The following SLC8A3 variants were observed in gnomAD, a reference collection of about 807,000 sequenced individuals.
SLC8A3 encodes the protein sodium/calcium exchanger 3.
A neutral mutation model predicts 65.4 loss-of-function variants in SLC8A3; 37 were observed. The observed-to-expected ratio is 0.57, with a 90% CI of 0.44 to 0.74. SLC8A3 has a LOEUF of 0.74. Among genes scored for constraint, SLC8A3 ranks in the 30% least tolerant of loss-of-function variants. The pLI is 0.00. For synonymous variants in SLC8A3, 461 were observed against 444.5 expected (o/e 1.04, Z -0.47); for missense variants, 1,112 against 1,172.1 (o/e 0.95, Z 0.75).
intron 2 of SLC8A3, among the ~76,000 whole-genome samples, chr14:70,129,752 G>A (rs1010870551): frequency 6.6e-6 from 1 of 152,152 alleles, no homozygotes; most frequent in African/African-American, 2.4e-5. Context: ...AAACAGAATT[G>A]GGCCAGTGGC....
At chr14:70,116,321 C>CTGTGTGTG (rs55890014) in intron 2 of SLC8A3, among the ~76,000 whole-genome samples, 1,691 of 147,742 alleles carry the variant, frequency 0.011, 29 homozygotes, top group African/African-American at 0.034. Context: ...ATTGAGAACA[C>CTGTGTGTG]TGTGTGTGTG....
intron 2 of SLC8A3, among the ~76,000 whole-genome samples, chr14:70,088,611 C>G (rs1043851754): frequency 2.0e-5 from 3 of 152,190 alleles, no homozygotes; most frequent in African/African-American, 7.2e-5. Flanking sequence ...GTTCCTTGAC[C>G]TTTTCCCTTT....
At chr14:70,131,588 G>A (rs992252698) in intron 2 of SLC8A3, among the ~76,000 whole-genome samples, 5 of 152,208 alleles carry the variant, frequency 3.3e-5, no homozygotes, top group Non-Finnish European at 7.3e-5. Context: ...GACAAAATCA[G>A]ACATCAGCCC....
chr14:70,085,515 C>G (rs183357659), intron 2 of SLC8A3, among the ~76,000 whole-genome samples: 1 of 152,158 alleles, frequency 6.6e-6, no homozygotes, highest in Non-Finnish European at 1.5e-5. Flanking sequence ...CCCACCTCCC[C>G]GCCTGCAATG....
chr14:70,107,656 G>A (rs1892968519), intron 2 of SLC8A3, among the ~76,000 whole-genome samples: 1 of 152,110 alleles, frequency 6.6e-6, no homozygotes, highest in South Asian at 2.1e-4. Flanking sequence ...TATATAAGCT[G>A]CTTTCTACAA....
At chr14:70,078,956 G>C (rs1159510012) in intron 2 of SLC8A3, among the ~76,000 whole-genome samples, 1 of 152,142 alleles carries the variant, frequency 6.6e-6, no homozygotes, top group Non-Finnish European at 1.5e-5. Flanking sequence ...GGATTGCTTT[G>C]ATTTGTAAGA....
intron 2 of SLC8A3, among the ~76,000 whole-genome samples, chr14:70,085,349 T>C (rs767064741): frequency 3.9e-5 from 6 of 152,218 alleles, no homozygotes; most frequent in Non-Finnish European, 7.3e-5. Context: ...AATCAGATTA[T>C]GATTTCTTTC....
intron 1 of SLC8A3, among the ~76,000 whole-genome samples, chr14:70,173,376 C>T (rs1311641008): frequency 1.3e-5 from 2 of 152,190 alleles, no homozygotes; most frequent in Non-Finnish European, 2.9e-5. Flanking sequence ...TGGCTCAGCC[C>T]CGAGCCTCTC....
chr14:70,174,863 C>T (rs183789795), intron 1 of SLC8A3, among the ~76,000 whole-genome samples: 16 of 152,218 alleles, frequency 1.1e-4, no homozygotes, highest in Admixed American at 6.5e-5. Context: ...CTGCTCTAAG[C>T]GCTCAGGTTG....
intron 2 of SLC8A3, among the ~76,000 whole-genome samples, chr14:70,123,561 G>A (rs911781316): frequency 9.9e-5 from 15 of 150,770 alleles, no homozygotes; most frequent in East Asian, 2.0e-4. Context: ...GCAATTCTCC[G>A]GCCTCAGCCT....
At chr14:70,131,129 G>A (rs1030398090) in intron 2 of SLC8A3, among the ~76,000 whole-genome samples, 2 of 152,200 alleles carry the variant, frequency 1.3e-5, no homozygotes, top group African/African-American at 2.4e-5. Context: ...AGAATGCTCT[G>A]TTGTGGAGAA....
intron 1 of SLC8A3, among the ~76,000 whole-genome samples, chr14:70,186,443 G>A (rs1883224007): frequency 6.6e-6 from 1 of 152,220 alleles, no homozygotes; most frequent in African/African-American, 2.4e-5. Context: ...CTAGTGAGCT[G>A]AGAGCTGAAG....
chr14:70,173,593 A>G (rs966072114), intron 1 of SLC8A3, among the ~76,000 whole-genome samples: 16 of 152,298 alleles, frequency 1.1e-4, no homozygotes, highest in African/African-American at 3.6e-4. Flanking sequence ...CACTTTCTCC[A>G]ATGGGAACAC....
chr14:70,126,413 C>T (rs1020283012), intron 2 of SLC8A3, among the ~76,000 whole-genome samples: 1 of 152,114 alleles, frequency 6.6e-6, no homozygotes, highest in Non-Finnish European at 1.5e-5. Context: ...ACATAGAGAA[C>T]TGGGAGGCTT....
chr14:70,169,851 T>A (rs931857251), intron 1 of SLC8A3, among the ~76,000 whole-genome samples: 10 of 152,112 alleles, frequency 6.6e-5, no homozygotes, highest in African/African-American at 2.4e-4. Flanking sequence ...GAAAATAGCA[T>A]CTTCAGCCAC....
At chr14:70,126,861 G>T (rs1894491851) in intron 2 of SLC8A3, among the ~76,000 whole-genome samples, 1 of 151,748 alleles carries the variant, frequency 6.6e-6, no homozygotes, top group African/African-American at 2.4e-5. Context: ...TTCAGTTTTG[G>T]ATTAGGGATG....
intron 2 of SLC8A3, among the ~76,000 whole-genome samples, chr14:70,136,275 G>A (rs61978160): frequency 0.15 from 23,443 of 152,108 alleles, 1,931 homozygotes; most frequent in African/African-American, 0.19. Flanking sequence ...TGGAGGGAGC[G>A]CAGCCCTGCC....
chr14:70,165,133 C>T (rs1897098268), intron 2 of SLC8A3, among the ~76,000 whole-genome samples: 3 of 152,220 alleles, frequency 2.0e-5, no homozygotes, highest in Admixed American at 2.0e-4. Context: ...AAGGACTGAC[C>T]TTGCCTCCAG....
At chr14:70,065,439 G>C (rs1404080215) in intron 2 of SLC8A3, among the ~76,000 whole-genome samples, 2 of 152,120 alleles carry the variant, frequency 1.3e-5, no homozygotes, top group Admixed American at 6.5e-5. Context: ...ACCGTAGAAA[G>C]CCCGTGGCTC....
Sources: gnomAD v4.1 joint callset for allele counts (sites outside exome capture counted in the v4.1 genomes callset) on GRCh38, gnomAD v4.1.1 for gene constraint, MANE v1.5 for transcripts, NCBI Gene and HGNC (gene_info 2026-07-23, HGNC 2026-07-21) for gene names.